SLC25A24: variants seen among roughly 807,000 people sequenced by gnomAD.
The protein encoded by SLC25A24 is mitochondrial adenyl nucleotide antiporter SLC25A24.
In SLC25A24, 49 loss-of-function variants were observed where a neutral mutation model predicts 60.7. The observed-to-expected ratio is 0.81, with a 90% CI of 0.64 to 1.02. SLC25A24 has a LOEUF of 1.02. SLC25A24 is among the 50% of genes least tolerant of loss of function. The pLI is 0.00. For synonymous variants in SLC25A24, 202 were observed against 200.6 expected, an observed-to-expected ratio of 1.01 and a Z score of -0.06; for missense variants, 564 against 586.3, an observed-to-expected ratio of 0.96 and a Z score of 0.39.
intron 3 of SLC25A24, among the ~76,000 whole-genome samples, chr1:108,164,204 T>C (rs1680175860): frequency 6.6e-6 from 1 of 152,108 alleles, no homozygotes; most frequent in Admixed American, 6.6e-5. Flanking sequence ...CAGTATTTTA[T>C]TGAGGATTTT....
At chr1:108,198,868 GT>G (rs1288916798) in intron 1 of SLC25A24, 1 of 152,218 alleles carries the variant, frequency 6.6e-6, no homozygotes, top group East Asian at 1.9e-4. Context: ...ATTGGACATG[GT>G]GGGGAACTCC....
rs1468201237 is a variant in SLC25A24, at chr1:108,161,975, T to C, written c.399-682A>G. Among the ~76,000 whole-genome samples, 11 of 122,826 alleles carry C rather than the reference T, an allele frequency of 9.0e-5. No homozygotes were observed. In the East Asian group the frequency reaches 2.7e-3, roughly 30 times the overall value. 80.6% of individuals were successfully genotyped at this position (122,826 alleles called of 152,430 possible). On this transcript the variant is annotated intron_variant, in intron 3 of 9. Coordinates refer to ENST00000565488, the MANE Select transcript of SLC25A24 (RefSeq NM_013386.5). ...CCCCACCCCACAACAGTCCCCAGAG[T>C]GTGATGTTCCCCTTCCTGTGTCCAT...
intron 3 of SLC25A24, among the ~76,000 whole-genome samples, chr1:108,169,086 T>C (rs1162479273): frequency 6.6e-6 from 1 of 152,180 alleles, no homozygotes; most frequent in Admixed American, 6.5e-5. Context: ...TTCCCAAAGT[T>C]TTGCAAAGCT....
chr1:108,187,927 G>GATATATATATATATATATATAGATAT (rs57513025), intron 1 of SLC25A24, among the ~76,000 whole-genome samples: 3 of 95,748 alleles, frequency 3.1e-5, no homozygotes, highest in African/African-American at 1.3e-4. Flanking sequence ...AGACATTATA[G>GATATATATATATATATATATAGATAT]ATATATATAT....
At chr1:108,138,370 T>G (rs1320644123) in intron 9 of SLC25A24, among the ~76,000 whole-genome samples, 1 of 152,094 alleles carries the variant, frequency 6.6e-6, no homozygotes, top group African/African-American at 2.4e-5. Context: ...GGTGTACTAC[T>G]TAAGAAAACA....
chr1:108,194,045 G>A (rs1289592247), intron 1 of SLC25A24, among the ~76,000 whole-genome samples: 1 of 138,662 alleles, frequency 7.2e-6, no homozygotes, highest in African/African-American at 2.5e-5. Flanking sequence ...TGGAGATTGG[G>A]TACCCTAAAA....
intron 6 of SLC25A24, among the ~76,000 whole-genome samples, chr1:108,149,177 TA>T (rs1246534424): frequency 1.3e-5 from 2 of 152,230 alleles, no homozygotes; most frequent in African/African-American, 4.8e-5. Context: ...AAACAATTTA[TA>T]AAAACAGTTT....
intron 4 of SLC25A24, among the ~76,000 whole-genome samples, chr1:108,160,608 G>A (rs1321894012): frequency 5.3e-5 from 8 of 152,330 alleles, no homozygotes; most frequent in African/African-American, 1.9e-4. Flanking sequence ...CGGCTGGGAG[G>A]TGGAGGTTGT....
intron 1 of SLC25A24, among the ~76,000 whole-genome samples, chr1:108,189,056 G>C (rs1348379652): frequency 2.6e-5 from 4 of 152,142 alleles, no homozygotes; most frequent in African/African-American, 9.7e-5. Context: ...CTGTCATCCT[G>C]AAAACAAGAT....
chr1:108,196,823 G>GGGTAGAAGGAGGAAGACAAGA (rs1648513309), intron 1 of SLC25A24, among the ~76,000 whole-genome samples: 1 of 151,888 alleles, frequency 6.6e-6, no homozygotes, highest in Non-Finnish European at 1.5e-5. Context: ...AAGAAGATGG[G>GGGTAGAAGGAGGAAGACAAGA]GGTAGAAGGA....
intron 3 of SLC25A24, among the ~76,000 whole-genome samples, chr1:108,164,990 G>T (rs1680203703): frequency 6.9e-6 from 1 of 144,358 alleles, no homozygotes. Context: ...CTGGTATGTT[G>T]TGTCTTTGTT....
chr1:108,150,056 T>C (rs974848409), intron 6 of SLC25A24, among the ~76,000 whole-genome samples: 1 of 152,226 alleles, frequency 6.6e-6, no homozygotes, highest in Non-Finnish European at 1.5e-5. Flanking sequence ...GCATAGGCCC[T>C]ATTAATTTTC....
intron 2 of SLC25A24, 147 bp downstream of exon 2, chr1:108,185,681 T>TA: frequency 1.6e-6 from 1 of 606,898 alleles, no homozygotes; most frequent in Non-Finnish European, 2.7e-6. Context: ...AAACTCTACA[T>TA]AAAAATCACA....
At position 108,157,640 on chromosome 1, in the gene SLC25A24, A is replaced by T. The variant is rs376576635; in HGVS notation, c.511-20T>A. 2 of 1,607,310 alleles carry T rather than the reference A, an allele frequency of 1.2e-6. No homozygotes were observed. The highest frequency in any genetic ancestry group is 2.7e-5 in the African/African-American group (2 of 74,682). ...AATTCCCTGTAAAAATGAAAAAAAG[A>T]TCCCCATGCGCCTTAGTTAAAAATA... On this transcript the variant is annotated intron_variant, in intron 4 of 9. Coordinates refer to ENST00000565488, the MANE Select transcript of SLC25A24 (RefSeq NM_013386.5).
Position 108,136,628 on chromosome 1 carries a change from TCA to T in SLC25A24, c.*23_*24del. 1 of 1,593,800 alleles carries T rather than the reference TCA, an allele frequency of 6.3e-7. No homozygotes were observed. The highest frequency in any genetic ancestry group is 8.6e-7 in the Non-Finnish European group (1 of 1,165,036). ...CAGAGATTGTTGAAAGTTTCAATTA[TCA>T]GGCTAAAGCAAAAAATGCAACATCA... On this transcript the variant is annotated 3_prime_UTR_variant, in exon 10 of 10. Coordinates refer to ENST00000565488, the MANE Select transcript of SLC25A24 (RefSeq NM_013386.5).
At chr1:108,159,247 G>C (rs1368160047) in intron 4 of SLC25A24, among the ~76,000 whole-genome samples, 6 of 152,138 alleles carry the variant, frequency 3.9e-5, no homozygotes. Flanking sequence ...TTATGCCAGA[G>C]ATAAACATAA....
At chr1:108,168,610 G>A (rs1647319279) in intron 3 of SLC25A24, among the ~76,000 whole-genome samples, 2 of 152,310 alleles carry the variant, frequency 1.3e-5, no homozygotes, top group South Asian at 2.1e-4. Flanking sequence ...AACGTGTTGA[G>A]CATCTCTTAC....
intron 1 of SLC25A24, among the ~76,000 whole-genome samples, chr1:108,187,933 T>TATAC (rs144868193): frequency 0.03 from 4,172 of 140,980 alleles, 525 homozygotes; most frequent in African/African-American, 0.11. Flanking sequence ...TATAGATATA[T>TATAC]ATATATATAT....
chr1:108,167,304 T>A (rs1162901564), intron 3 of SLC25A24, among the ~76,000 whole-genome samples: 3 of 151,922 alleles, frequency 2.0e-5, no homozygotes, highest in Non-Finnish European at 4.4e-5. Context: ...CTCCTTGAGC[T>A]GTGGTGGGCT....
Sources: allele counts gnomAD v4.1 joint callset (sites outside exome capture counted in the v4.1 genomes callset), GRCh38; gene constraint gnomAD v4.1.1; transcripts MANE v1.5; gene names NCBI Gene and HGNC (gene_info 2026-07-23, HGNC 2026-07-21).